NCAM2: variants seen among roughly 807,000 people sequenced by gnomAD.
The protein encoded by NCAM2 is N-CAM-2.
A neutral mutation model predicts 98.1 loss-of-function variants in NCAM2; 30 were observed. That is an observed-to-expected ratio of 0.31 (90% CI 0.23 to 0.41). NCAM2 has a LOEUF of 0.41. Ranked by LOEUF, NCAM2 falls within the 10% of genes least tolerant of loss-of-function variation. NCAM2 has a pLI of 1.00. For synonymous variants in NCAM2, 368 were observed against 342.4 expected, an observed-to-expected ratio of 1.07 and a Z score of -0.83; for missense variants, 867 against 1,005.8, an observed-to-expected ratio of 0.86 and a Z score of 1.87.
chr21:21,456,392 C>T (rs1982148799), intron 12 of NCAM2, among the ~76,000 whole-genome samples: 1 of 152,022 alleles, frequency 6.6e-6, no homozygotes, highest in South Asian at 2.1e-4. Flanking sequence ...TTACAATTTG[C>T]TCCTGTGAAC....
chr21:21,044,903 T>C (rs8134485), intron 1 of NCAM2, among the ~76,000 whole-genome samples: 141,663 of 152,092 alleles, frequency 0.93, 66,800 homozygotes, highest in East Asian at 1. Context: ...AGAGAGACCC[T>C]GTCTTAAAAT....
chr21:21,235,491 T>A (rs1010823412), intron 1 of NCAM2, among the ~76,000 whole-genome samples: 1 of 152,204 alleles, frequency 6.6e-6, no homozygotes, highest in African/African-American at 2.4e-5. Flanking sequence ...TTCATTATAT[T>A]TAATTGATTA....
At chr21:21,440,104 T>G (rs1426498846) in intron 12 of NCAM2, among the ~76,000 whole-genome samples, 2 of 152,230 alleles carry the variant, frequency 1.3e-5, no homozygotes, top group South Asian at 2.1e-4. Context: ...TCGCTGCTGA[T>G]GTAGAGATTT....
chr21:21,239,441 TA>T (rs898592114), intron 1 of NCAM2: 43 of 152,174 alleles, frequency 2.8e-4, no homozygotes, highest in African/African-American at 1.0e-3. Context: ...GCAATGTTCA[TA>T]AAAATTATCT....
At chr21:21,465,802 G>C (rs1210473223) in intron 12 of NCAM2, among the ~76,000 whole-genome samples, 3 of 151,824 alleles carry the variant, frequency 2.0e-5, no homozygotes, top group African/African-American at 7.3e-5. Context: ...GCTTTCTTTA[G>C]CAAAAGCATT....
At chr21:21,271,641 G>T (rs1192277216) in intron 1 of NCAM2, among the ~76,000 whole-genome samples, 1 of 152,112 alleles carries the variant, frequency 6.6e-6, no homozygotes, top group Non-Finnish European at 1.5e-5. Flanking sequence ...CTATTTATAA[G>T]ACAATGTGGC....
intron 1 of NCAM2, among the ~76,000 whole-genome samples, chr21:21,205,082 CAT>C (rs1315260186): frequency 4.6e-5 from 7 of 152,136 alleles, no homozygotes; most frequent in South Asian, 2.1e-4. Flanking sequence ...ATATGTGTGA[CAT>C]GTGCACACAA....
At chr21:21,078,333 G>A (rs568391936) in intron 1 of NCAM2, among the ~76,000 whole-genome samples, 3 of 152,182 alleles carry the variant, frequency 2.0e-5, no homozygotes, top group African/African-American at 7.2e-5. Flanking sequence ...ATCCTGCTTT[G>A]TGCAGATGTA....
At chr21:21,365,907 G>A (rs2075773879) in intron 8 of NCAM2, among the ~76,000 whole-genome samples, 2 of 152,060 alleles carry the variant, frequency 1.3e-5, no homozygotes, top group Non-Finnish European at 2.9e-5. Flanking sequence ...TAGGTACCCA[G>A]TAGTGGGATT....
intron 1 of NCAM2, among the ~76,000 whole-genome samples, chr21:21,276,607 A>T (rs575433259): frequency 6.6e-6 from 1 of 152,206 alleles, no homozygotes; most frequent in South Asian, 2.1e-4. Context: ...TGATAAACTC[A>T]TCACTTACCT....
chr21:21,357,301 A>G (rs1222761900), intron 8 of NCAM2, among the ~76,000 whole-genome samples: 1 of 152,092 alleles, frequency 6.6e-6, no homozygotes, highest in African/African-American at 2.4e-5. Flanking sequence ...TCTCCTCGTA[A>G]TTTGTTTCAG....
chr21:21,281,521 A>C (rs2147500977), intron 2 of NCAM2, among the ~76,000 whole-genome samples: 1 of 152,292 alleles, frequency 6.6e-6, no homozygotes, highest in Admixed American at 6.5e-5. Flanking sequence ...CATTCAGAAT[A>C]ATAATATACA....
intron 1 of NCAM2, among the ~76,000 whole-genome samples, chr21:21,004,283 A>T (rs2064072158): frequency 6.6e-6 from 1 of 152,178 alleles, no homozygotes; most frequent in African/African-American, 2.4e-5. Flanking sequence ...AGCACCTTCT[A>T]ACAGTACCGA....
chr21:21,205,349 G>T (rs1368891601), intron 1 of NCAM2, among the ~76,000 whole-genome samples: 2 of 152,066 alleles, frequency 1.3e-5, no homozygotes, highest in Admixed American at 1.3e-4. Flanking sequence ...ATTTATATTA[G>T]TCTGTGGATA....
chr21:21,433,684 A>C (rs1480757750), intron 12 of NCAM2, among the ~76,000 whole-genome samples: 2 of 151,304 alleles, frequency 1.3e-5, no homozygotes, highest in Non-Finnish European at 2.9e-5. Context: ...TGGAGCTTGC[A>C]GTGAGCCGAG....
chr21:21,127,750 G>A (rs917586164), intron 1 of NCAM2, among the ~76,000 whole-genome samples: 2 of 151,946 alleles, frequency 1.3e-5, no homozygotes, highest in African/African-American at 2.4e-5. Context: ...TGAACACAAC[G>A]TCTTCTAGTT....
intron 15 of NCAM2, among the ~76,000 whole-genome samples, chr21:21,498,718 T>C (rs950293051): frequency 6.6e-6 from 1 of 152,222 alleles, no homozygotes; most frequent in African/African-American, 2.4e-5. Context: ...GTACAGTATT[T>C]ATTTTGGGGA....
intron 1 of NCAM2, among the ~76,000 whole-genome samples, chr21:21,007,352 A>G (rs2064130960): frequency 6.6e-6 from 1 of 152,184 alleles, no homozygotes; most frequent in Admixed American, 6.5e-5. Context: ...GGATTCTTGG[A>G]TCTTGCACAA....
At chr21:21,530,783 A>T (rs1463168986) in intron 16 of NCAM2, among the ~76,000 whole-genome samples, 7 of 151,886 alleles carry the variant, frequency 4.6e-5, no homozygotes, top group African/African-American at 1.7e-4. Context: ...TATTTTTATA[A>T]TGGACTGTTC....
Sources: allele counts gnomAD v4.1 joint callset (sites outside exome capture counted in the v4.1 genomes callset), GRCh38; gene constraint gnomAD v4.1.1; transcripts MANE v1.5; gene names NCBI Gene and HGNC (gene_info 2026-07-23, HGNC 2026-07-21).